The following RPS6KL1 variants were observed in gnomAD, a reference collection of about 807,000 sequenced individuals.
The protein encoded by RPS6KL1 is ribosomal protein S6 kinase-like 1.
Under a neutral mutation model 57.0 loss-of-function variants are expected in RPS6KL1, and 41 were observed. The observed-to-expected ratio is 0.72, with a 90% CI of 0.56 to 0.93. The LOEUF is 0.93. Among genes scored for constraint, RPS6KL1 ranks in the 40% least tolerant of loss-of-function variants. RPS6KL1 has a pLI of 0.00. For missense variants in RPS6KL1, 697 were observed against 727.7 expected, an observed-to-expected ratio of 0.96 and a Z score of 0.49; for synonymous variants, 287 against 309.7, an observed-to-expected ratio of 0.93 and a Z score of 0.77.
In RPS6KL1 at chr14:74,906,809, C is replaced by G. The variant is rs1293247524; in HGVS notation, c.*205G>C. ...CTTAGCAGGGCAAGCCTTGACTGCC[C>G]CCACCTCCAGCTTTTCCAGGAGCTG... On this transcript the variant is annotated 3_prime_UTR_variant, in exon 12 of 12. Transcript: ENST00000557413. 15 of 711,622 alleles carry G rather than the reference C, an allele frequency of 2.1e-5. No homozygotes were observed. Among genetic ancestry groups the G allele is most frequent in the Non-Finnish European group, 3.9e-5 (15 of 386,546 alleles). 44.1% of individuals were successfully genotyped at this position (711,622 alleles called of 1,614,324 possible). A position where few individuals can be genotyped will look rare whatever the true frequency, so the allele number is the denominator to read the frequency against.
At position 74,909,113 on chromosome 14, in the gene RPS6KL1, A is replaced by T; in HGVS notation, c.1348T>A (p.Tyr450Asn). 6.2e-7 allele frequency: 1 copy of T among 1,613,462 alleles called. No individual in the cohort carries two copies. Among genetic ancestry groups the T allele is most frequent in the Non-Finnish European group, 8.5e-7 (1 of 1,179,390 alleles). ...QCCGEAVDNL[Y>N]SAPEVGGISE... ...CCCCCCTTCTTGCCTGGGGCGCTGT[A>T]GAGATTGTCCACGGCCTCCCCGCAG... Residue 450 changes from tyrosine to asparagine, a missense_variant, in exon 9 of 12, where the codon TAC (tyrosine) becomes AAC (asparagine). Coordinates refer to ENST00000557413, the MANE Select transcript of RPS6KL1 (RefSeq NM_031464.5).
rs747306131 is a variant in RPS6KL1 at position 74,919,846 on chromosome 14, G to A, written c.389C>T (p.Ala130Val). Reference sequence around the variant, plus strand: ...TTTGGGTGGGGGGGGTCTCCTCACCGCGCTGGGGCTGGCTCCACTGCTCAG... The same window carrying A: ...TTTGGGTGGGGGGGGTCTCCTCACCACGCTGGGGCTGGCTCCACTGCTCAG... ...RPLSSGASPS[A>V]GFSSLRLRPI... The change falls in exon 4 of 12, where the codon GCG (alanine) becomes GTG (valine). Residue 130 changes from alanine to valine, a missense_variant and splice_region_variant. Physicochemically the swap from Ala to Val is moderately conservative, Grantham distance 64 (BLOSUM62 0). Coordinates refer to ENST00000557413, the MANE Select transcript of RPS6KL1 (RefSeq NM_031464.5). 32 of 1,610,846 alleles carry A rather than the reference G, an allele frequency of 2.0e-5. No individual in the cohort carries two copies. Among genetic ancestry groups the A allele is most frequent in the African/African-American group, 1.3e-4 (10 of 74,438 alleles).
intron 2 of RPS6KL1, 196 bp downstream of exon 2, chr14:74,921,782 T>TC: frequency 7.7e-7 from 1 of 1,297,746 alleles, no homozygotes; most frequent in South Asian, 2.0e-5. Context: ...CTTTTCTTTT[T>TC]TTTTTTTTTT....
chr14:74,906,542 AAG>A lies in RPS6KL1; in HGVS notation c.*470_*471del, dbSNP rs1566806430. The stretch of plus-strand genomic sequence containing the variant: ...GAAGAGGCCTACTCGCTGTGTGACT[AAG>A]AGGACTAGCCAGGACAGTCTGGTTT... On this transcript the variant is annotated 3_prime_UTR_variant, in exon 12 of 12. Transcript: ENST00000557413. 2 of 521,470 alleles carry A rather than the reference AAG, an allele frequency of 3.8e-6. No homozygotes were observed. The highest frequency in any genetic ancestry group is 3.2e-4 in the Middle Eastern group (1 of 3,122). The allele number at this position is 521,470 out of a possible 1,614,324, so 32.3% of individuals were successfully genotyped here.
rs887777544 is a variant in RPS6KL1 at position 74,904,567 on chromosome 14, G to A, written c.*2447C>T. 3.9e-5 allele frequency: 6 copies of A among 152,124 alleles called. No homozygotes were observed. The highest frequency in any genetic ancestry group is 8.8e-5 in the Non-Finnish European group (6 of 68,036). The allele number at this position is 152,124 out of a possible 1,614,324, so 9.4% of individuals were successfully genotyped here. Reference sequence around the variant, plus strand: ...CCATAAAGCATCATAGTCTCTTAGTGCCCCACCTTCCTTGAGCCTGTCAAG... The same window carrying A: ...CCATAAAGCATCATAGTCTCTTAGTACCCCACCTTCCTTGAGCCTGTCAAG... On this transcript the variant is annotated 3_prime_UTR_variant, in exon 12 of 12. Coordinates refer to ENST00000557413, the MANE Select transcript of RPS6KL1 (RefSeq NM_031464.5).
chr14:74,908,770 ACTGGCTGGATGGACTAAGC>A, intron 10 of RPS6KL1, 61 bp downstream of exon 10: 1 of 1,283,752 alleles, frequency 7.8e-7, no homozygotes, highest in Non-Finnish European at 1.1e-6. Context: ...CTCTGCCCAG[ACTGGCTGGATGGACTAAGC>A]CTGGCCCATC....
intron 5 of RPS6KL1, among the ~76,000 whole-genome samples, chr14:74,913,288 G>A (rs975672796): frequency 2.0e-5 from 3 of 152,090 alleles, no homozygotes; most frequent in Admixed American, 6.6e-5. Flanking sequence ...CAGGTGTGGT[G>A]GCTTATGCCT....
At position 74,909,751 on chromosome 14, in the gene RPS6KL1, C is replaced by T. The variant is rs377166757; in HGVS notation, c.1062G>A (p.Pro354=). 54 of 1,606,750 alleles carry T rather than the reference C, an allele frequency of 3.4e-5. No individual in the cohort carries two copies. Among genetic ancestry groups the T allele is most frequent in the Non-Finnish European group, 4.0e-5 (47 of 1,178,644 alleles). Residue 354 remains proline (P), a synonymous_variant, in exon 8 of 12, where the codon CCG becomes CCA. Coordinates refer to ENST00000557413, the MANE Select transcript of RPS6KL1 (RefSeq NM_031464.5). ...GLTWVPEGAG[P]VLGGCGRGMD... is the part of the protein sequence containing the mutation. ...TGCCTCGGCCACAGCCCCCTAGCAC[C>T]GGGCCGGCCCCCTCAGGAACCCAAG... is the stretch of plus-strand genomic sequence containing the variant.
chr14:74,921,238 T>TTGCCCCCCCCCCCCCCCCCCCCCCCCCC, intron 3 of RPS6KL1, 39 bp downstream of exon 3: 3 of 840,178 alleles, frequency 3.6e-6, no homozygotes, highest in Non-Finnish European at 4.1e-6. Flanking sequence ...CACTGGCCCT[T>TTGCCCCCCCCCCCCCCCCCCCCCCCCCC]CCCCACCCAC....
intron 7 of RPS6KL1, chr14:74,910,887 TTTG>T: frequency 3.4e-5 from 6 of 178,128 alleles, no homozygotes; most frequent in Non-Finnish European, 6.1e-5. Context: ...TTTTTTTTTT[TTTG>T]AGGCGGAGTC....
intron 10 of RPS6KL1, among the ~76,000 whole-genome samples, chr14:74,907,796 G>A (rs1287385920): frequency 6.6e-6 from 1 of 152,210 alleles, no homozygotes; most frequent in African/African-American, 2.4e-5. Flanking sequence ...CTTGCTAGAA[G>A]CAACTATCTT....
chr14:74,915,177 T>C (rs1417282058), intron 5 of RPS6KL1, among the ~76,000 whole-genome samples: 1 of 152,210 alleles, frequency 6.6e-6, no homozygotes, highest in African/African-American at 2.4e-5. Context: ...ATGTGACTGG[T>C]GCAACTGAGA....
chr14:74,907,456 T>G lies in RPS6KL1; in HGVS notation c.1518A>C (p.Pro506=). ...TCACCTCAGTCAGCAGAGAGGCCGC[T>G]GGGCGACTGAGCCACTCGGGCAGCT... ...QLQLPEWLSR[P]AASLLTELLQ... The change falls in exon 11 of 12, where the codon CCA becomes CCC. Residue 506 remains proline (P), a synonymous_variant. Transcript: ENST00000557413. 2 of 1,584,918 alleles carry G rather than the reference T, an allele frequency of 1.3e-6. No individual in the cohort carries two copies. The highest frequency in any genetic ancestry group is 1.7e-6 in the Non-Finnish European group (2 of 1,165,822).
In RPS6KL1 at chr14:74,910,129, G is replaced by T. The variant is rs756872442; in HGVS notation, c.684C>A (p.His228Gln). The T allele has an allele frequency of 2.6e-6, 4 of 1,554,512 alleles. No homozygotes were observed. Among genetic ancestry groups the T allele is most frequent in the Middle Eastern group, 1.7e-4 (1 of 5,802 alleles). Reference sequence around the variant, plus strand: ...GTCGGGAGTGCGCCTGGGAGAGCAGGTGGGACCAGAGAGTGCCTCCTGGGC... The same window carrying T: ...GTCGGGAGTGCGCCTGGGAGAGCAGTTGGGACCAGAGAGTGCCTCCTGGGC... ...EHVQGGTLWS[H>Q]LLSQAHSRHS... Residue 228 changes from histidine (H) to glutamine (Q), a missense_variant, in exon 8 of 12, where the codon CAC becomes CAA. His to Gln is a conservative substitution (Grantham distance 24, BLOSUM62 0). Coordinates refer to ENST00000557413, the MANE Select transcript of RPS6KL1 (RefSeq NM_031464.5).
Position 74,906,611 on chromosome 14 carries a change from C to T in RPS6KL1, c.*403G>A, listed in dbSNP as rs764311499. ...TGGATCAGTGTCCTGAGATGAGTCT[C>T]CAGAGATGTCCTGAGTGGGGCACAA... On this transcript the variant is annotated 3_prime_UTR_variant, in exon 12 of 12. Coordinates refer to ENST00000557413, the MANE Select transcript of RPS6KL1 (RefSeq NM_031464.5). 5 of 531,722 alleles carry T rather than the reference C, an allele frequency of 9.4e-6. No homozygotes were observed. Among genetic ancestry groups the T allele is most frequent in the East Asian group, 1.1e-4 (2 of 18,456 alleles). 32.9% of individuals were successfully genotyped at this position (531,722 alleles called of 1,614,324 possible). A position where few individuals can be genotyped will look rare whatever the true frequency, so the allele number is the denominator to read the frequency against.
intron 5 of RPS6KL1, among the ~76,000 whole-genome samples, chr14:74,915,594 G>A (rs977237672): frequency 3.9e-5 from 6 of 152,198 alleles, no homozygotes. Context: ...AAGGTCCACA[G>A]GGGCCAGGCA....
In RPS6KL1 at chr14:74,922,225, G is replaced by T; in HGVS notation, c.-268C>A. On this transcript the variant is annotated 5_prime_UTR_variant, in exon 2 of 12. The change creates a new upstream start codon in the 5' untranslated region. Transcript: ENST00000557413. ...CTCCGTAGAGCAAGCTTGGTATCCA[G>T]TACGCATTCAGCACATGGAGGCCAC... The T allele has an allele frequency of 1.0e-6, 1 of 986,702 alleles. No individual in the cohort carries two copies. Among genetic ancestry groups the T allele is most frequent in the Non-Finnish European group, 1.2e-6 (1 of 830,806 alleles). The allele number at this position is 986,702 out of a possible 1,614,324, so 61.1% of individuals were successfully genotyped here. A position where few individuals can be genotyped will look rare whatever the true frequency, so the allele number is the denominator to read the frequency against.
Position 74,906,837 on chromosome 14 carries a change from C to T in RPS6KL1, c.*177G>A, listed in dbSNP as rs138358057. On this transcript the variant is annotated 3_prime_UTR_variant, in exon 12 of 12. Transcript: ENST00000557413. ...ACCTCCAGCTTTTCCAGGAGCTGGCCCTTCCTGGGTGGTGGCCATAATTCT... is the reference window on the plus strand; with the variant it reads ...ACCTCCAGCTTTTCCAGGAGCTGGCTCTTCCTGGGTGGTGGCCATAATTCT... 0.012 allele frequency: 8,999 copies of T among 748,328 alleles called. 133 individuals carry two copies. The highest frequency in any genetic ancestry group is 0.039 in the South Asian group (2,798 of 71,848). The allele number at this position is 748,328 out of a possible 1,614,324, so 46.4% of individuals were successfully genotyped here.
chr14:74,918,832 G>C (rs997085638), intron 4 of RPS6KL1, among the ~76,000 whole-genome samples: 3 of 152,214 alleles, frequency 2.0e-5, no homozygotes, highest in African/African-American at 7.2e-5. Flanking sequence ...TCTCTGCTGA[G>C]CCCGTCCAAG....
Sources: allele counts gnomAD v4.1 joint callset (sites outside exome capture counted in the v4.1 genomes callset), GRCh38; gene constraint gnomAD v4.1.1; transcripts MANE v1.5; gene names NCBI Gene and HGNC (gene_info 2026-07-23, HGNC 2026-07-21).